PDCD1LG2: variants seen among roughly 807,000 people sequenced by gnomAD.
The protein encoded by PDCD1LG2 is B7 dendritic cell molecule.
PDCD1LG2 carries 32 observed loss-of-function variants against 28.2 expected under a neutral mutation model. That is an observed-to-expected ratio of 1.13 (90% CI 0.86 to 1.52). The LOEUF (loss-of-function observed/expected upper bound fraction) is 1.52. Ranked by LOEUF, PDCD1LG2 falls within the 40% of genes most tolerant of loss-of-function variation. The pLI, the probability that PDCD1LG2 is intolerant of heterozygous loss-of-function variation, is 0.00. For synonymous variants in PDCD1LG2, 116 were observed against 120.2 expected (o/e 0.97, Z 0.23); for missense variants, 385 against 323.8 (o/e 1.19, Z -1.45).
rs144000641 is a variant in PDCD1LG2, at chr9:5,517,069, G to A, written c.-14-5464G>A. ...AACGGGCAGCTGCTGCCATCACTGT[G>A]AGCTATGATTGTGCCACTGACTCCA... On this transcript the variant is annotated intron_variant, in intron 1 of 6. Coordinates refer to ENST00000397747, the MANE Select transcript of PDCD1LG2 (RefSeq NM_025239.4). Among the ~76,000 whole-genome samples, 440 of 152,346 alleles carry A rather than the reference G, an allele frequency of 2.9e-3. 3 individuals are homozygous for A. Among genetic ancestry groups the A allele is most frequent in the African/African-American group, 0.01 (427 of 41,568 alleles).
intron 4 of PDCD1LG2, among the ~76,000 whole-genome samples, chr9:5,556,498 T>C (rs1293571100): frequency 1.3e-5 from 2 of 152,324 alleles, no homozygotes; most frequent in East Asian, 3.9e-4. Context: ...TTAGCAGTGA[T>C]GACCTCACAT....
chr9:5,549,287 A>G, intron 3 of PDCD1LG2, 48 bp from the exon 4 acceptor site: 2 of 1,542,742 alleles, frequency 1.3e-6, no homozygotes, highest in Non-Finnish European at 1.8e-6. Context: ...CAAGCTCTAT[A>G]GGAATCAGAA....
intron 2 of PDCD1LG2, among the ~76,000 whole-genome samples, chr9:5,531,013 C>T (rs1820473298): frequency 6.6e-6 from 1 of 152,206 alleles, no homozygotes; most frequent in Non-Finnish European, 1.5e-5. Context: ...CTTTGTGTAA[C>T]TAATGGTTCG....
intron 2 of PDCD1LG2, among the ~76,000 whole-genome samples, chr9:5,528,270 TATATTTTATATATATATAC>T (rs1383164013): frequency 2.0e-5 from 3 of 147,614 alleles, no homozygotes; most frequent in African/African-American, 4.9e-5. Flanking sequence ...ATATTATATA[TATATTTTATATATATATAC>T]ACACACACAC....
chr9:5,561,910 A>AC (rs1276028391), intron 5 of PDCD1LG2, among the ~76,000 whole-genome samples: 1 of 152,214 alleles, frequency 6.6e-6, no homozygotes, highest in African/African-American at 2.4e-5. Flanking sequence ...TAAATGAGGT[A>AC]CCCACTGAAG....
intron 6 of PDCD1LG2, among the ~76,000 whole-genome samples, chr9:5,565,724 A>C (rs1326093719): frequency 6.6e-6 from 1 of 152,112 alleles, no homozygotes; most frequent in African/African-American, 2.4e-5. Flanking sequence ...CCGTTTATCA[A>C]TGTTTCTTAT....
intron 2 of PDCD1LG2, among the ~76,000 whole-genome samples, chr9:5,527,649 T>G (rs1474945333): frequency 6.6e-6 from 1 of 152,130 alleles, no homozygotes; most frequent in East Asian, 1.9e-4. Context: ...AAACCTAGGT[T>G]TTCATTTCAC....
At chr9:5,554,666 AGTT>A (rs973413910) in intron 4 of PDCD1LG2, among the ~76,000 whole-genome samples, 39 of 152,352 alleles carry the variant, frequency 2.6e-4, no homozygotes, top group African/African-American at 9.1e-4. Flanking sequence ...CTGCTCAGCC[AGTT>A]GTTGTATTTT....
chr9:5,512,225 C>T (rs1392247608), intron 1 of PDCD1LG2, among the ~76,000 whole-genome samples: 3 of 152,166 alleles, frequency 2.0e-5, no homozygotes, highest in Non-Finnish European at 2.9e-5. Flanking sequence ...TGTAAAGGGG[C>T]AACTGTAGTA....
intron 3 of PDCD1LG2, 41 bp downstream of exon 3, chr9:5,535,091 C>T (rs980310608): frequency 3.3e-6 from 5 of 1,507,956 alleles, no homozygotes; most frequent in Non-Finnish European, 4.4e-6. Flanking sequence ...AAGCATCTCT[C>T]CAACAGAGGA....
At chr9:5,566,994 T>C (rs1816679285) in intron 6 of PDCD1LG2, among the ~76,000 whole-genome samples, 1 of 152,244 alleles carries the variant, frequency 6.6e-6, no homozygotes, top group Non-Finnish European at 1.5e-5. Context: ...TATTGCTTTT[T>C]ACTTTTATGT....
At chr9:5,544,068 T>C (rs1820745870) in intron 3 of PDCD1LG2, among the ~76,000 whole-genome samples, 1 of 152,242 alleles carries the variant, frequency 6.6e-6, no homozygotes, top group African/African-American at 2.4e-5. Context: ...ATAAAACAGA[T>C]ACTACCATGT....
intron 5 of PDCD1LG2, among the ~76,000 whole-genome samples, chr9:5,562,247 T>C (rs1033850173): frequency 2.6e-5 from 4 of 152,122 alleles, no homozygotes; most frequent in Admixed American, 6.5e-5. Flanking sequence ...TAAGATCCCA[T>C]TGACGAATAA....
chr9:5,565,227 G>T (rs191836448), intron 6 of PDCD1LG2, among the ~76,000 whole-genome samples: 1 of 152,210 alleles, frequency 6.6e-6, no homozygotes, highest in Admixed American at 6.5e-5. Flanking sequence ...CTATCACCCA[G>T]GTTGGAGTGC....
intron 5 of PDCD1LG2, among the ~76,000 whole-genome samples, chr9:5,560,106 A>AT (rs1816530135): frequency 6.6e-6 from 1 of 152,182 alleles, no homozygotes; most frequent in Non-Finnish European, 1.5e-5. Context: ...ATATGTTTCC[A>AT]TAGCACCTAC....
At chr9:5,522,242 G>C (rs957619811) in intron 1 of PDCD1LG2, among the ~76,000 whole-genome samples, 3 of 152,196 alleles carry the variant, frequency 2.0e-5, no homozygotes, top group Non-Finnish European at 2.9e-5. Flanking sequence ...AGACGTGCAG[G>C]TAACTGCCAA....
At chr9:5,516,732 C>T (rs1263878970) in intron 1 of PDCD1LG2, among the ~76,000 whole-genome samples, 1 of 152,228 alleles carries the variant, frequency 6.6e-6, no homozygotes, top group Non-Finnish European at 1.5e-5. Flanking sequence ...TGTGTCAGTA[C>T]CATCCTGAGC....
chr9:5,512,099 T>C (rs1297455534), intron 1 of PDCD1LG2, among the ~76,000 whole-genome samples: 1 of 152,232 alleles, frequency 6.6e-6, no homozygotes, highest in Non-Finnish European at 1.5e-5. Context: ...CTTCAGAGTT[T>C]ATTTGCTTTA....
intron 2 of PDCD1LG2, among the ~76,000 whole-genome samples, chr9:5,523,027 T>C (rs1820306983): frequency 1.3e-5 from 2 of 152,218 alleles, no homozygotes; most frequent in South Asian, 4.1e-4. Flanking sequence ...TTGAAGACAT[T>C]CTGCATATTA....
Sources: allele counts gnomAD v4.1 joint callset (sites outside exome capture counted in the v4.1 genomes callset), GRCh38; gene constraint gnomAD v4.1.1; transcripts MANE v1.5; gene names NCBI Gene and HGNC (gene_info 2026-07-23, HGNC 2026-07-21).